Variants in AFAP1L1 observed in about 807,000 individuals in gnomAD.
AFAP1L1 encodes the protein actin filament associated protein 1 like 1.
In AFAP1L1, 77 loss-of-function variants were observed where a neutral mutation model predicts 99.8. The observed-to-expected ratio is 0.77, with a 90% CI of 0.64 to 0.93. The LOEUF (loss-of-function observed/expected upper bound fraction) is 0.93. Among genes scored for constraint, AFAP1L1 ranks in the 40% least tolerant of loss-of-function variants. The pLI is 0.00. For missense variants in AFAP1L1, 893 were observed against 996.8 expected, an observed-to-expected ratio of 0.90 and a Z score of 1.40; for synonymous variants, 373 against 395.3, an observed-to-expected ratio of 0.94 and a Z score of 0.67.
intron 5 of AFAP1L1, 119 bp downstream of exon 5, chr5:149,302,645 A>C: frequency 2.3e-6 from 2 of 878,014 alleles, no homozygotes; most frequent in Non-Finnish European, 3.4e-6. Context: ...CAACCATGTC[A>C]CCATTGGCTT....
rs1268911257 is a variant in AFAP1L1, at chr5:149,317,946, A to G, written c.1479+6A>G. The G allele has an allele frequency of 6.4e-7, 1 of 1,562,936 alleles. No homozygotes were observed. Among genetic ancestry groups the G allele is most frequent in the Admixed American group, 1.9e-5 (1 of 52,182 alleles). On this transcript the variant is annotated splice_donor_region_variant and intron_variant, in intron 12 of 18. Coordinates refer to ENST00000296721, the MANE Select transcript of AFAP1L1 (RefSeq NM_152406.4). ...AGGAGGTGGCCATCTTGGAGGTGAG[A>G]GGAGAGGGTGGGACGTGGGTGGCTC...
intron 15 of AFAP1L1, among the ~76,000 whole-genome samples, chr5:149,323,817 A>G (rs1247331846): frequency 6.6e-6 from 1 of 152,224 alleles, no homozygotes. Context: ...GGCACTGGAA[A>G]TGCAGGGCCT....
At chr5:149,321,843 C>G (rs1437106624) in intron 14 of AFAP1L1, among the ~76,000 whole-genome samples, 1 of 151,714 alleles carries the variant, frequency 6.6e-6, no homozygotes, top group Non-Finnish European at 1.5e-5. Flanking sequence ...AGTTTGAGAC[C>G]AGCCTGGCCA....
At chr5:149,276,471 G>A (rs1402477738) in intron 1 of AFAP1L1, among the ~76,000 whole-genome samples, 2 of 152,096 alleles carry the variant, frequency 1.3e-5, no homozygotes, top group East Asian at 1.9e-4. Flanking sequence ...TATGGACACC[G>A]CCTTCTACAG....
intron 1 of AFAP1L1, among the ~76,000 whole-genome samples, chr5:149,279,072 T>C (rs1329734233): frequency 6.6e-6 from 1 of 152,234 alleles, no homozygotes; most frequent in Non-Finnish European, 1.5e-5. Flanking sequence ...TGACCCTTCC[T>C]GTTTCTCTTT....
intron 18 of AFAP1L1, among the ~76,000 whole-genome samples, chr5:149,336,511 T>C (rs889384004): frequency 9.2e-5 from 14 of 152,222 alleles, no homozygotes; most frequent in African/African-American, 3.4e-4. Context: ...AAACAGAATG[T>C]ATTTCTTAAG....
At chr5:149,298,529 G>T (rs767166450) in intron 1 of AFAP1L1, among the ~76,000 whole-genome samples, 2 of 152,136 alleles carry the variant, frequency 1.3e-5, no homozygotes, top group African/African-American at 2.4e-5. Flanking sequence ...CTTGATATAC[G>T]ATTTAAATGA....
chr5:149,302,445 A>G lies in AFAP1L1; in HGVS notation c.355A>G (p.Asn119Asp), dbSNP rs1383008186. ...GGCCGACCTGCCTCCACCGCTCCCC[A>G]ACAAGCCTCCCCCTGAGGACTACTA... ...NAADLPPPLP[N>D]KPPPEDYYEE... The change falls in exon 5 of 19, where the codon AAC (asparagine) becomes GAC (aspartate). Residue 119 changes from asparagine to aspartate, a missense_variant. Physicochemically the swap from Asn to Asp is conservative, Grantham distance 23. Coordinates refer to ENST00000296721, the MANE Select transcript of AFAP1L1 (RefSeq NM_152406.4). 7 of 1,593,960 alleles carry G rather than the reference A, an allele frequency of 4.4e-6. No homozygotes were observed. The highest frequency in any genetic ancestry group is 1.3e-5 in the African/African-American group (1 of 74,606).
Position 149,315,883 on chromosome 5 carries a change from T to C in AFAP1L1, c.1083T>C (p.Ser361=), listed in dbSNP as rs780345708. 13 of 1,614,040 alleles carry C rather than the reference T, an allele frequency of 8.1e-6. No homozygotes were observed. The Admixed American group carries it at 1.3e-4, about 17-fold the overall frequency. The change falls in exon 10 of 19, where the codon TCT becomes TCC. Residue 361 remains serine (S), a synonymous_variant. Coordinates refer to ENST00000296721, the MANE Select transcript of AFAP1L1 (RefSeq NM_152406.4). ...SDSVGVGDNC[S]TLGRRETCDH... ...GCGTGGGTGTGGGTGACAACTGTTC[T>C]ACCCTTGGCCGCCGGGAGACCTGTG... is the stretch of plus-strand genomic sequence containing the variant.
chr5:149,302,305 G>T, intron 4 of AFAP1L1, 113 bp from the exon 5 acceptor site: 1 of 661,040 alleles, frequency 1.5e-6, no homozygotes, highest in Non-Finnish European at 2.5e-6. Flanking sequence ...AAAAGGTATG[G>T]CTTCACATTC....
At chr5:149,304,697 G>A (rs1344223799) in intron 5 of AFAP1L1, among the ~76,000 whole-genome samples, 2 of 152,146 alleles carry the variant, frequency 1.3e-5, no homozygotes, top group South Asian at 2.1e-4. Context: ...GTGTCCCCAC[G>A]CCCCCTCACC....
intron 1 of AFAP1L1, among the ~76,000 whole-genome samples, chr5:149,272,957 C>T (rs940025861): frequency 1.3e-5 from 2 of 152,038 alleles, no homozygotes; most frequent in African/African-American, 4.8e-5. Flanking sequence ...CCGGCCCCGG[C>T]CTCTCAAAGT....
intron 18 of AFAP1L1, 29 bp from the exon 19 acceptor site, chr5:149,339,978 T>C (rs768200502): frequency 1.9e-6 from 3 of 1,613,376 alleles, no homozygotes; most frequent in Non-Finnish European, 2.5e-6. Flanking sequence ...ATTCAGCAAA[T>C]TGATTTGTCT....
At position 149,325,255 on chromosome 5, in the gene AFAP1L1, T is replaced by A. The variant is rs182960112; in HGVS notation, c.1810+2538T>A. 4.1e-3 allele frequency among the ~76,000 whole-genome samples: 625 copies of A among 152,332 alleles called. 16 individuals carry two copies. The highest frequency in any genetic ancestry group is 1.3e-3 in the Non-Finnish European group (91 of 68,028). ...TGGCATTTGAGCCACAACCTACCCC[T>A]TTATTCCCCAACTCAGTTTGAAAGA... is the stretch of plus-strand genomic sequence containing the variant. On this transcript the variant is annotated intron_variant, in intron 15 of 18. Transcript: ENST00000296721.
In AFAP1L1 at chr5:149,299,510, G is replaced by A. The variant is rs1234816796; in HGVS notation, c.18G>A (p.Val6=). 1.2e-6 allele frequency: 2 copies of A among 1,613,898 alleles called. No homozygotes were observed. The highest frequency in any genetic ancestry group is 1.7e-5 in the Admixed American group (1 of 59,998). MDRGQ[V]LEQLLPELTG... ...GTGCCCGTCTGCCTTCCTCCGCAGT[G>A]CTGGAGCAGCTGCTCCCAGAGCTCA... The change falls in exon 2 of 19, where the codon GTG becomes GTA. Residue 6 remains valine (V), a splice_region_variant and synonymous_variant. Transcript: ENST00000296721.
At chr5:149,295,448 A>G (rs1170039345) in intron 1 of AFAP1L1, among the ~76,000 whole-genome samples, 1 of 152,238 alleles carries the variant, frequency 6.6e-6, no homozygotes, top group Non-Finnish European at 1.5e-5. Flanking sequence ...TAGAGCATTT[A>G]GAAGCCAGAA....
At chr5:149,305,003 C>T (rs1756363694) in intron 5 of AFAP1L1, among the ~76,000 whole-genome samples, 1 of 152,176 alleles carries the variant, frequency 6.6e-6, no homozygotes, top group South Asian at 2.1e-4. Context: ...ACCCTCAGTT[C>T]TGATCCAGGC....
chr5:149,308,319 C>A (rs1430437250), intron 7 of AFAP1L1, among the ~76,000 whole-genome samples: 1 of 152,052 alleles, frequency 6.6e-6, no homozygotes, highest in Non-Finnish European at 1.5e-5. Flanking sequence ...AAACTATTGA[C>A]CAAACATCAA....
At chr5:149,284,088 T>C (rs1166361224) in intron 1 of AFAP1L1, among the ~76,000 whole-genome samples, 2 of 151,696 alleles carry the variant, frequency 1.3e-5, no homozygotes, top group African/African-American at 4.8e-5. Flanking sequence ...ATGGAGAAAA[T>C]CGTGGAAAGA....
Sources: gnomAD v4.1 joint callset for allele counts (sites outside exome capture counted in the v4.1 genomes callset) on GRCh38, gnomAD v4.1.1 for gene constraint, MANE v1.5 for transcripts, NCBI Gene and HGNC (gene_info 2026-07-23, HGNC 2026-07-21) for gene names.